THADA: variants seen among roughly 807,000 people sequenced by gnomAD.
The protein encoded by THADA is THADA armadillo repeat containing, also known as tRNA (32-2'-O)-methyltransferase regulator THADA.
In THADA, 213 loss-of-function variants were observed where a neutral mutation model predicts 219.8. The observed-to-expected ratio is 0.97, with a 90% CI of 0.87 to 1.09. THADA has a LOEUF of 1.09. THADA is among the 50% of genes least tolerant of loss of function. The probability of loss-of-function intolerance (pLI) is 0.00; values close to 1 mark genes in which losing one functional copy is unlikely to be tolerated. For missense variants in THADA, 2,956 were observed against 2,311.3 expected, an observed-to-expected ratio of 1.28 and a Z score of -5.72; for synonymous variants, 1,018 against 828.9, an observed-to-expected ratio of 1.23 and a Z score of -3.92.
chr2:43,348,242 G>A (rs1667862360), intron 29 of THADA, among the ~76,000 whole-genome samples: 1 of 152,220 alleles, frequency 6.6e-6, no homozygotes, highest in Admixed American at 6.5e-5. Context: ...CAGTCACCTG[G>A]CCGGAGCTGA....
At chr2:43,541,777 A>G (rs1300073140) in intron 20 of THADA, among the ~76,000 whole-genome samples, 4 of 152,190 alleles carry the variant, frequency 2.6e-5, no homozygotes, top group African/African-American at 7.2e-5. Context: ...TATAGACATG[A>G]GCCACCATGC....
At chr2:43,381,164 G>C (rs892686419) in intron 29 of THADA, among the ~76,000 whole-genome samples, 1 of 147,732 alleles carries the variant, frequency 6.8e-6, no homozygotes, top group Non-Finnish European at 1.5e-5. Context: ...GCATGTCAAA[G>C]GCACCCAGGA....
chr2:43,565,538 T>A (rs959099930), intron 15 of THADA: 5 of 152,224 alleles, frequency 3.3e-5, no homozygotes, highest in Admixed American at 2.6e-4. Flanking sequence ...ATAAAAACTT[T>A]TAAAAACTGA....
At chr2:43,287,246 T>A (rs567241781) in intron 34 of THADA, among the ~76,000 whole-genome samples, 185 bp from the exon 35 acceptor site, 2 of 152,328 alleles carry the variant, frequency 1.3e-5, no homozygotes, top group South Asian at 4.1e-4. Context: ...AAAATCTGAC[T>A]TGTCTTTCGG....
intron 26 of THADA, among the ~76,000 whole-genome samples, chr2:43,472,997 A>T (rs1685092505): frequency 6.6e-6 from 1 of 152,182 alleles, no homozygotes; most frequent in Non-Finnish European, 1.5e-5. Context: ...GGTGAGTCAG[A>T]GTGAGTGGTG....
At chr2:43,386,322 GTT>G (rs569744347) in intron 29 of THADA, among the ~76,000 whole-genome samples, 1 of 147,878 alleles carries the variant, frequency 6.8e-6, no homozygotes, top group Admixed American at 6.8e-5. Flanking sequence ...TTTAACTTAT[GTT>G]TTTTTTTTCA....
At chr2:43,427,024 T>G (rs1188976380) in intron 28 of THADA, among the ~76,000 whole-genome samples, 1 of 152,078 alleles carries the variant, frequency 6.6e-6, no homozygotes, top group Admixed American at 6.5e-5. Flanking sequence ...ACACAAGAAG[T>G]GGTAATAGGC....
At chr2:43,571,142 G>C (rs1457923136) in intron 13 of THADA, among the ~76,000 whole-genome samples, 2 of 152,150 alleles carry the variant, frequency 1.3e-5, no homozygotes, top group Non-Finnish European at 2.9e-5. Context: ...TGTCATCCCA[G>C]CTACTTCAGA....
At chr2:43,234,799 T>C (rs1667839357) in intron 36 of THADA, among the ~76,000 whole-genome samples, 1 of 152,062 alleles carries the variant, frequency 6.6e-6, no homozygotes, top group Non-Finnish European at 1.5e-5. Flanking sequence ...ACTATAGGCA[T>C]GTGCCACCAC....
intron 26 of THADA, among the ~76,000 whole-genome samples, chr2:43,438,427 T>C (rs886842962): frequency 6.6e-6 from 1 of 151,844 alleles, no homozygotes; most frequent in Non-Finnish European, 1.5e-5. Flanking sequence ...GAAATGAAAA[T>C]TACTACAGTT....
chr2:43,388,803 C>T (rs1010199767), intron 29 of THADA, among the ~76,000 whole-genome samples: 3 of 152,196 alleles, frequency 2.0e-5, no homozygotes, highest in African/African-American at 4.8e-5. Context: ...TGCACTCACA[C>T]ATCAATAGGA....
intron 31 of THADA, among the ~76,000 whole-genome samples, chr2:43,310,081 A>T (rs531657755): frequency 1.3e-4 from 20 of 152,346 alleles, no homozygotes; most frequent in African/African-American, 4.8e-4. Context: ...AAATAAATGG[A>T]AAGACATCCA....
intron 22 of THADA, among the ~76,000 whole-genome samples, chr2:43,512,733 C>G (rs918087323): frequency 1.3e-5 from 2 of 152,200 alleles, no homozygotes; most frequent in African/African-American, 4.8e-5. Context: ...AACTCCCAAC[C>G]TCAGGTGATC....
chr2:43,382,872 TACC>T (rs1364493696), intron 29 of THADA, among the ~76,000 whole-genome samples: 1 of 152,142 alleles, frequency 6.6e-6, no homozygotes, highest in Non-Finnish European at 1.5e-5. Flanking sequence ...ATTTACAAAC[TACC>T]ACATTACTAT....
intron 26 of THADA, among the ~76,000 whole-genome samples, chr2:43,448,884 T>C (rs1342485149): frequency 6.6e-6 from 1 of 151,992 alleles, no homozygotes; most frequent in African/African-American, 2.4e-5. Flanking sequence ...AAGCATCCTG[T>C]TTCCAACAAC....
At chr2:43,576,068 A>C (rs1327201387) in intron 10 of THADA, among the ~76,000 whole-genome samples, 3 of 152,200 alleles carry the variant, frequency 2.0e-5, no homozygotes, top group Non-Finnish European at 4.4e-5. Flanking sequence ...ATGATGCTAA[A>C]AACAAATTTC....
At position 43,428,141 on chromosome 2, in the gene THADA, A is replaced by G; in HGVS notation, c.4017T>C (p.Ser1339=). The stretch of plus-strand genomic sequence containing the variant: ...CAAAAGGTCCCATGCTGAGAGCAGA[A>G]GAAGTACCATCCATCGGGGAAGCGT... ...RLYASPMDGT[S]SALSMGPFVP... The change falls in exon 28 of 38, where the codon TCT becomes TCC. Residue 1339 remains serine, a synonymous_variant. Transcript: ENST00000405975. 6.2e-7 allele frequency: 1 copy of G among 1,607,828 alleles called. No homozygotes were observed. Among genetic ancestry groups the G allele is most frequent in the Non-Finnish European group, 8.5e-7 (1 of 1,176,418 alleles).
intron 19 of THADA, among the ~76,000 whole-genome samples, chr2:43,550,144 A>C (rs186650727): frequency 5.4e-4 from 83 of 152,384 alleles, no homozygotes; most frequent in South Asian, 2.3e-3. Context: ...GCAGAGGTTC[A>C]GGAACATGAG....
At chr2:43,364,987 C>T (rs1226904453) in intron 29 of THADA, among the ~76,000 whole-genome samples, 20 of 138,130 alleles carry the variant, frequency 1.4e-4, no homozygotes, top group African/African-American at 4.3e-4. Flanking sequence ...GACGGAGTTT[C>T]GCTCTTGTTG....
Sources: allele counts gnomAD v4.1 joint callset (sites outside exome capture counted in the v4.1 genomes callset), GRCh38; gene constraint gnomAD v4.1.1; transcripts MANE v1.5; gene names NCBI Gene and HGNC (gene_info 2026-07-23, HGNC 2026-07-21).